Variants in EXOC4 observed in about 807,000 individuals in gnomAD.
The protein encoded by EXOC4 is SEC8-like 1.
EXOC4 carries 71 observed loss-of-function variants against 107.2 expected under a neutral mutation model. The observed-to-expected ratio is 0.66, with a 90% CI of 0.55 to 0.81. EXOC4 has a LOEUF of 0.81. EXOC4 is among the 30% of genes least tolerant of loss of function. The pLI, the probability that EXOC4 is intolerant of heterozygous loss-of-function variation, is 0.00. For missense variants in EXOC4, 1,108 were observed against 1,189.6 expected (o/e 0.93, Z 1.01); for synonymous variants, 456 against 441.2 (o/e 1.03, Z -0.42).
rs1798094702 is a variant in EXOC4, at chr7:133,844,964, ATTTTATTTGAAAGGGCCTT to A, written c.1734+27422_1734+27440del. Reference sequence around the variant, plus strand: ...GCAAATTTCATTGTATCAAATATGAATTTTATTTGAAAGGGCCTTTGATTAACTCGAGCCTGAAAATCCA... The same window carrying A: ...GCAAATTTCATTGTATCAAATATGAATGATTAACTCGAGCCTGAAAATCCA... On this transcript the variant is annotated intron_variant, in intron 11 of 17. Transcript: ENST00000253861. Among the ~76,000 whole-genome samples the A allele has an allele frequency of 2.0e-5, 3 of 152,278 alleles. No individual in the cohort carries two copies. In the South Asian group the frequency reaches 6.2e-4, roughly 32 times the overall value.
At chr7:133,810,914 T>C (rs1246337420) in intron 10 of EXOC4, among the ~76,000 whole-genome samples, 1 of 152,148 alleles carries the variant, frequency 6.6e-6, no homozygotes, top group Admixed American at 6.6e-5. Context: ...ATTACAGGTA[T>C]GAGCTACCGC....
intron 9 of EXOC4, among the ~76,000 whole-genome samples, chr7:133,594,827 A>G (rs1181359667): frequency 1.3e-5 from 2 of 152,076 alleles, no homozygotes; most frequent in Non-Finnish European, 2.9e-5. Context: ...CTGGCTCAAG[A>G]GCCTGCCGGA....
At chr7:133,997,721 A>C in intron 15 of EXOC4, 88 bp downstream of exon 15, 1 of 1,432,230 alleles carries the variant, frequency 7.0e-7, no homozygotes, top group Non-Finnish European at 9.5e-7. Flanking sequence ...TATCACCATA[A>C]TTTCTGGCTC....
chr7:133,383,149 A>G (rs901686700), intron 7 of EXOC4, among the ~76,000 whole-genome samples: 25 of 152,218 alleles, frequency 1.6e-4, no homozygotes, highest in African/African-American at 5.5e-4. Context: ...TTTCAAGTGT[A>G]TAAAAGACTG....
At chr7:134,038,176 TG>T (rs1795435329) in intron 17 of EXOC4, among the ~76,000 whole-genome samples, 1 of 152,220 alleles carries the variant, frequency 6.6e-6, no homozygotes, top group South Asian at 2.1e-4. Flanking sequence ...ATCTGGCAGA[TG>T]GGAACTGTCT....
chr7:133,572,110 CTG>C (rs1801036492), intron 9 of EXOC4, among the ~76,000 whole-genome samples: 2 of 152,122 alleles, frequency 1.3e-5, no homozygotes, highest in African/African-American at 4.8e-5. Flanking sequence ...TATACAATGA[CTG>C]TAATGAAAGT....
chr7:133,646,247 G>A (rs1802989287), intron 10 of EXOC4, among the ~76,000 whole-genome samples: 1 of 152,118 alleles, frequency 6.6e-6, no homozygotes, highest in Admixed American at 6.5e-5. Context: ...CATTACAGAT[G>A]TAAATGTTAG....
intron 9 of EXOC4, among the ~76,000 whole-genome samples, chr7:133,548,896 A>G (rs1800534805): frequency 6.6e-6 from 1 of 152,202 alleles, no homozygotes; most frequent in African/African-American, 2.4e-5. Flanking sequence ...TCCTTCAAGA[A>G]CTTTTCTTTG....
rs180863272 is a variant in EXOC4 at position 133,380,078 on chromosome 7, A to G, written c.1182+5076A>G. Reference sequence around the variant, plus strand: ...CACAGGAAGGGGAACATCACACACCAGAGCCTGTTGTGGGGTGGGGGGATG... The same window carrying G: ...CACAGGAAGGGGAACATCACACACCGGAGCCTGTTGTGGGGTGGGGGGATG... On this transcript the variant is annotated intron_variant, in intron 7 of 17. Coordinates refer to ENST00000253861, the MANE Select transcript of EXOC4 (RefSeq NM_021807.4). 8.9e-3 allele frequency among the ~76,000 whole-genome samples: 1,341 copies of G among 151,224 alleles called. 27 individuals are homozygous for G. Among genetic ancestry groups the G allele is most frequent in the African/African-American group, 0.032 (1,304 of 41,296 alleles).
At position 133,603,971 on chromosome 7, in the gene EXOC4, A is replaced by T. The variant is rs561767964; in HGVS notation, c.1418-26074A>T. ...AGCTGTACAAAAATATTTTCATTAT[A>T]TCCTTATTCTGTAAGCTTTTTTCTA... On this transcript the variant is annotated intron_variant, in intron 9 of 17. Transcript: ENST00000253861. 6.6e-5 allele frequency among the ~76,000 whole-genome samples: 10 copies of T among 151,902 alleles called. No individual in the cohort carries two copies. The South Asian group carries it at 2.1e-3, about 32-fold the overall frequency.
chr7:133,331,711 C>T (rs1043563921), intron 5 of EXOC4, among the ~76,000 whole-genome samples: 4 of 152,106 alleles, frequency 2.6e-5, no homozygotes, highest in East Asian at 1.9e-4. Context: ...GTGATCCGCC[C>T]GCCTCGGCCT....
At chr7:133,944,019 T>A (rs1310267624) in intron 14 of EXOC4, among the ~76,000 whole-genome samples, 1 of 152,188 alleles carries the variant, frequency 6.6e-6, no homozygotes, top group African/African-American at 2.4e-5. Flanking sequence ...AGATTTAGTG[T>A]AAAGTTGCAA....
At chr7:133,685,281 A>G (rs988073364) in intron 10 of EXOC4, among the ~76,000 whole-genome samples, 2 of 151,850 alleles carry the variant, frequency 1.3e-5, no homozygotes, top group African/African-American at 4.8e-5. Context: ...GGTTTCCCCC[A>G]CTCTGTTCTT....
intron 12 of EXOC4, among the ~76,000 whole-genome samples, chr7:133,911,559 A>G (rs1290539260): frequency 6.6e-6 from 1 of 152,210 alleles, no homozygotes; most frequent in Non-Finnish European, 1.5e-5. Context: ...GATGCATATT[A>G]GAGATAATGT....
intron 7 of EXOC4, among the ~76,000 whole-genome samples, chr7:133,465,077 C>T (rs1563076034): frequency 6.6e-6 from 1 of 151,916 alleles, no homozygotes; most frequent in African/African-American, 2.4e-5. Context: ...ACCTTGGCCT[C>T]ACAAAGTGTT....
chr7:133,490,595 A>G (rs1312555035), intron 9 of EXOC4, among the ~76,000 whole-genome samples: 1 of 152,178 alleles, frequency 6.6e-6, no homozygotes, highest in Non-Finnish European at 1.5e-5. Flanking sequence ...ATATTTTTCT[A>G]CTAATTAAGG....
At chr7:133,915,379 C>T (rs528307315) in intron 12 of EXOC4, among the ~76,000 whole-genome samples, 2 of 152,248 alleles carry the variant, frequency 1.3e-5, no homozygotes, top group Admixed American at 1.3e-4. Context: ...AGAGGAATTA[C>T]TGGAAATTAA....
chr7:133,510,808 A>G (rs1328038289), intron 9 of EXOC4, among the ~76,000 whole-genome samples: 1 of 152,196 alleles, frequency 6.6e-6, no homozygotes, highest in Non-Finnish European at 1.5e-5. Context: ...AGTGGTACAT[A>G]TCACACCAGA....
At position 134,048,473 on chromosome 7, in the gene EXOC4, G is replaced by C. The variant is rs957663014; in HGVS notation, c.2688-15818G>C. On this transcript the variant is annotated intron_variant, in intron 17 of 17. Coordinates refer to ENST00000253861, the MANE Select transcript of EXOC4 (RefSeq NM_021807.4). The stretch of plus-strand genomic sequence containing the variant: ...GGAGGTTAGAGGCAAGATGGAGTCT[G>C]TTAGGTCAGGTTCTCTTTCACTGTA... 3.3e-5 allele frequency among the ~76,000 whole-genome samples: 5 copies of C among 152,332 alleles called. No individual in the cohort carries two copies. In the South Asian group the frequency reaches 8.3e-4, roughly 25 times the overall value.
Sources: allele counts gnomAD v4.1 joint callset (sites outside exome capture counted in the v4.1 genomes callset), GRCh38; gene constraint gnomAD v4.1.1; transcripts MANE v1.5; gene names NCBI Gene and HGNC (gene_info 2026-07-23, HGNC 2026-07-21).